Variants in ILF2 observed in about 807,000 individuals in gnomAD.
ILF2 encodes the protein interleukin enhancer binding factor 2.
In ILF2, 9 loss-of-function variants were observed where a neutral mutation model predicts 55.3. That is an observed-to-expected ratio of 0.16 (90% confidence interval 0.10 to 0.28). ILF2 has a LOEUF of 0.28. Among genes scored for constraint, ILF2 ranks in the 10% least tolerant of loss-of-function variants. The pLI, the probability that ILF2 is intolerant of heterozygous loss-of-function variation, is 1.00. For missense variants in ILF2, 266 were observed against 474.9 expected, an observed-to-expected ratio of 0.56 and a Z score of 4.09; for synonymous variants, 151 against 161.8, an observed-to-expected ratio of 0.93 and a Z score of 0.50.
At chr1:153,670,625 G>A (rs1669418855) in intron 1 of ILF2, among the ~76,000 whole-genome samples, 1 of 152,096 alleles carries the variant, frequency 6.6e-6, no homozygotes, top group Admixed American at 6.6e-5. Context: ...ACGGGGGCGG[G>A]GGAAAGGTGG....
chr1:153,662,413 T>C lies in ILF2; in HGVS notation c.1156A>G (p.Met386Val), dbSNP rs1421438622. 1 of 1,614,148 alleles carries C rather than the reference T, an allele frequency of 6.2e-7. No homozygotes were observed. Among genetic ancestry groups the C allele is most frequent in the Admixed American group, 1.7e-5 (1 of 60,012 alleles). Residue 386 changes from methionine to valine, a missense_variant, in exon 14 of 14, where the codon ATG becomes GTG. Coordinates refer to ENST00000361891, the MANE Select transcript of ILF2 (RefSeq NM_004515.4). ...AGGGAATGTCACTCCTGAGTTTCCA[T>C]GCTTTCTTCTTCCTCTCCTTGAGGT... ...EPPQGEEEES[M>V]ETQE is the part of the protein sequence containing the mutation.
intron 3 of ILF2, among the ~76,000 whole-genome samples, chr1:153,669,229 G>A (rs1200923732): frequency 6.6e-6 from 1 of 152,072 alleles, no homozygotes; most frequent in Admixed American, 6.5e-5. Context: ...GAGTGAGACT[G>A]TCTCAAAAAA....
In ILF2 at chr1:153,665,284, A is replaced by T; in HGVS notation, c.513T>A (p.Ala171=). Residue 171 remains alanine (A), a synonymous_variant, in exon 8 of 14, where the codon GCT becomes GCA. Coordinates refer to ENST00000361891, the MANE Select transcript of ILF2 (RefSeq NM_004515.4). ...CTGTTGTAATGAGAATCTTCACTGT[A>T]GCATCAGAAGAACTGATTTCAAAGC... The part of the protein sequence containing the change: ...ETGFEISSSD[A]TVKILITTVP... The T allele has an allele frequency of 1.2e-6, 2 of 1,613,930 alleles. No homozygotes were observed. Among genetic ancestry groups the T allele is most frequent in the East Asian group, 4.5e-5 (2 of 44,880 alleles).
chr1:153,663,960 TAC>T, intron 10 of ILF2, 81 bp downstream of exon 10: 2 of 361,088 alleles, frequency 5.5e-6, no homozygotes, highest in East Asian at 4.9e-5. Context: ...TCAGAGTTAC[TAC>T]TACTACTACT....
rs1458339297 is a variant in ILF2 at position 153,663,039 on chromosome 1, C to T, written c.901G>A (p.Val301Ile). 2 of 1,613,844 alleles carry T rather than the reference C, an allele frequency of 1.2e-6. No homozygotes were observed. Among genetic ancestry groups the T allele is most frequent in the South Asian group, 2.2e-5 (2 of 91,070 alleles). The part of the protein sequence containing the change: ...CESGNFRVHT[V>I]MTLEQQDMVC... Reference sequence around the variant, plus strand: ...AATACCTGCTGTTCTAGGGTCATGACTGTGTGTACTCTAAAGTTGCCACTC... The same window carrying T: ...AATACCTGCTGTTCTAGGGTCATGATTGTGTGTACTCTAAAGTTGCCACTC... Residue 301 changes from valine (V) to isoleucine (I), a missense_variant, in exon 12 of 14, where the codon GTC becomes ATC. Val to Ile is a conservative substitution (Grantham distance 29, BLOSUM62 3). Transcript: ENST00000361891.
chr1:153,669,163 C>T (rs1255381667), intron 3 of ILF2, among the ~76,000 whole-genome samples: 1 of 151,700 alleles, frequency 6.6e-6, no homozygotes, highest in African/African-American at 2.4e-5. Context: ...TCCTCTGCCT[C>T]CCAGGTTCAG....
intron 2 of ILF2, 141 bp from the exon 3 acceptor site, chr1:153,670,019 T>C (rs1669405074): frequency 1.9e-6 from 2 of 1,068,716 alleles, no homozygotes; most frequent in African/African-American, 1.6e-5. Flanking sequence ...ATTCTTAGCA[T>C]AGTGGGGCCA....
intron 6 of ILF2, among the ~76,000 whole-genome samples, chr1:153,666,271 C>T (rs968713267): frequency 5.9e-5 from 9 of 152,164 alleles, no homozygotes; most frequent in Admixed American, 5.9e-4. Context: ...CCAACCTCTG[C>T]CTCCCAGGTT....
chr1:153,665,170 T>G (rs765743386), intron 8 of ILF2, 50 bp downstream of exon 8: 1 of 1,029,820 alleles, frequency 9.7e-7, no homozygotes, highest in South Asian at 1.3e-5. Context: ...AACAATACCA[T>G]GTTTTGAATA....
At chr1:153,669,912 G>A in intron 2 of ILF2, 34 bp from the exon 3 acceptor site, 1 of 1,567,934 alleles carries the variant, frequency 6.4e-7, no homozygotes, top group Non-Finnish European at 8.8e-7. Context: ...TTATTCCCTA[G>A]GTAGGAATCA....
At position 153,669,856 on chromosome 1, in the gene ILF2, T is replaced by C; in HGVS notation, c.88A>G (p.Ile30Val). 6.2e-7 allele frequency: 1 copy of C among 1,613,180 alleles called. No individual in the cohort carries two copies. Among genetic ancestry groups the C allele is most frequent in the Non-Finnish European group, 8.5e-7 (1 of 1,179,132 alleles). Residue 30 changes from isoleucine to valine, a missense_variant, in exon 3 of 14, where the codon ATC (isoleucine) becomes GTC (valine). Physicochemically the swap from Ile to Val is conservative, Grantham distance 29 (BLOSUM62 3). Coordinates refer to ENST00000361891, the MANE Select transcript of ILF2 (RefSeq NM_004515.4). ...GGGFRPFVPH[I>V]PFDFYLCEMA... ...CTCACCAAATAGAAGTCAAATGGGA[T>C]ATGTGGTACAAAGGGCCTGAACCTA... is the stretch of plus-strand genomic sequence containing the variant.
At chr1:153,670,787 C>A in intron 1 of ILF2, 131 bp downstream of exon 1, 1 of 1,077,392 alleles carries the variant, frequency 9.3e-7, no homozygotes, top group Non-Finnish European at 1.4e-6. Flanking sequence ...CTATCCTAGA[C>A]CAGGAGTTCT....
Position 153,662,326 on chromosome 1 carries a change from G to A in ILF2, c.*70C>T. Reference sequence around the variant, plus strand: ...ATCCCACGGAAATGTCTGTCACCATGTAAAGCCCAGTAGCAGGCAGCTTAG... The same window carrying A: ...ATCCCACGGAAATGTCTGTCACCATATAAAGCCCAGTAGCAGGCAGCTTAG... On this transcript the variant is annotated 3_prime_UTR_variant, in exon 14 of 14. Coordinates refer to ENST00000361891, the MANE Select transcript of ILF2 (RefSeq NM_004515.4). The A allele has an allele frequency of 1.3e-6, 2 of 1,593,972 alleles. No individual in the cohort carries two copies. Among genetic ancestry groups the A allele is most frequent in the Non-Finnish European group, 1.7e-6 (2 of 1,170,090 alleles).
chr1:153,663,311 A>G, intron 10 of ILF2, 35 bp from the exon 11 acceptor site: 2 of 1,580,600 alleles, frequency 1.3e-6, no homozygotes, highest in East Asian at 2.2e-5. Flanking sequence ...TGTGCCATCA[A>G]AATGGCACTT....
rs1229791357 is a variant in ILF2, at chr1:153,662,546, A to G, written c.1023T>C (p.Ser341=). The G allele has an allele frequency of 4.3e-6, 7 of 1,613,802 alleles. No homozygotes were observed. Among genetic ancestry groups the G allele is most frequent in the Non-Finnish European group, 5.9e-6 (7 of 1,179,806 alleles). The change falls in exon 14 of 14, where the codon TCT becomes TCC. Residue 341 remains serine (S), a synonymous_variant. Coordinates refer to ENST00000361891, the MANE Select transcript of ILF2 (RefSeq NM_004515.4). ...TCACTCCATCCCAGGTAGATATTTCAGAAGCAAGATCTAGGAAAGAGAAAA... is the reference window on the plus strand; with the variant it reads ...TCACTCCATCCCAGGTAGATATTTCGGAAGCAAGATCTAGGAAAGAGAAAA... ...GQEGDASYLA[S]EISTWDGVIV... is the part of the protein sequence containing the mutation.
intron 7 of ILF2, 90 bp downstream of exon 7, chr1:153,665,573 G>T: frequency 8.9e-7 from 1 of 1,121,542 alleles, no homozygotes; most frequent in Non-Finnish European, 1.4e-6. Context: ...TCTTCCATCT[G>T]GTCTGATCTG....
chr1:153,662,393 A>G lies in ILF2; in HGVS notation c.*3T>C. On this transcript the variant is annotated 3_prime_UTR_variant, in exon 14 of 14. Coordinates refer to ENST00000361891, the MANE Select transcript of ILF2 (RefSeq NM_004515.4). ...TTGGGTAGGAAAAGGAGTGAAGGGA[A>G]TGTCACTCCTGAGTTTCCATGCTTT... The G allele has an allele frequency of 6.2e-7, 1 of 1,613,914 alleles. No individual in the cohort carries two copies. The highest frequency in any genetic ancestry group is 8.5e-7 in the Non-Finnish European group (1 of 1,179,858).
rs935189169 is a variant in ILF2, at chr1:153,670,951, C to T, written c.-29G>A. 5.6e-6 allele frequency: 9 copies of T among 1,614,182 alleles called. No homozygotes were observed. The highest frequency in any genetic ancestry group is 1.3e-5 in the African/African-American group (1 of 75,046). ...GCCTTAAAACACGAACAATGGAGGC[C>T]GCACCAACCGCCCCTTCCTCTGAGT... On this transcript the variant is annotated 5_prime_UTR_variant, in exon 1 of 14. Transcript: ENST00000361891.
At chr1:153,665,765 T>G in intron 6 of ILF2, 37 bp from the exon 7 acceptor site, 1 of 1,513,074 alleles carries the variant, frequency 6.6e-7, no homozygotes, top group Non-Finnish European at 9.1e-7. Flanking sequence ...TATAATAATT[T>G]ATTTGCCTAG....
Sources: gnomAD v4.1 joint callset for allele counts (sites outside exome capture counted in the v4.1 genomes callset) on GRCh38, gnomAD v4.1.1 for gene constraint, MANE v1.5 for transcripts, NCBI Gene and HGNC (gene_info 2026-07-23, HGNC 2026-07-21) for gene names.